Variants in P3H2 observed in about 807,000 individuals in gnomAD.
P3H2 encodes leprecan-like 1.
Under a neutral mutation model 87.0 loss-of-function variants are expected in P3H2, and 80 were observed. The ratio of observed to expected loss-of-function variants is 0.92; its 90% CI spans 0.77 to 1.11. The LOEUF is 1.11. P3H2 is among the 50% of genes least tolerant of loss of function. The pLI is 0.00. For synonymous variants in P3H2, 367 were observed against 359.3 expected, an observed-to-expected ratio of 1.02 and a Z score of -0.24; for missense variants, 1,001 against 923.9, an observed-to-expected ratio of 1.08 and a Z score of -1.08.
intron 1 of P3H2, among the ~76,000 whole-genome samples, chr3:190,099,798 G>A (rs1434793114): frequency 6.6e-6 from 1 of 152,194 alleles, no homozygotes; most frequent in Non-Finnish European, 1.5e-5. Flanking sequence ...TTAACCACTG[G>A]TTTACACCAT....
chr3:190,083,146 A>G (rs781468538), intron 1 of P3H2, among the ~76,000 whole-genome samples: 3 of 152,172 alleles, frequency 2.0e-5, no homozygotes, highest in Non-Finnish European at 4.4e-5. Flanking sequence ...TGAAAACACA[A>G]TCATGAAAAT....
intron 1 of P3H2, among the ~76,000 whole-genome samples, chr3:190,110,465 A>C (rs1445566247): frequency 6.6e-6 from 1 of 152,194 alleles, no homozygotes; most frequent in Non-Finnish European, 1.5e-5. Flanking sequence ...GCCCTTGGTA[A>C]TCCTATAGAA....
chr3:190,034,056 T>C (rs1484591965), intron 1 of P3H2, among the ~76,000 whole-genome samples: 1 of 152,184 alleles, frequency 6.6e-6, no homozygotes, highest in African/African-American at 2.4e-5. Context: ...TCGTAAACAA[T>C]ATTCAGACGG....
At position 189,974,544 on chromosome 3, in the gene P3H2, C is replaced by G; in HGVS notation, c.1452+14G>C. On this transcript the variant is annotated intron_variant, in intron 9 of 14. Transcript: ENST00000319332. ...GCCAGCGCAGTGAGCTCCCCTCCTT[C>G]TCCGGATCCTCACACTGGCCACGCT... 3 of 1,613,140 alleles carry G rather than the reference C, an allele frequency of 1.9e-6. No homozygotes were observed. The highest frequency in any genetic ancestry group is 2.5e-6 in the Non-Finnish European group (3 of 1,180,016).
rs1370847014 is a variant in P3H2 at position 190,079,780 on chromosome 3, A to G, written c.480+40472T>C. Among the ~76,000 whole-genome samples, 5 of 152,156 alleles carry G rather than the reference A, an allele frequency of 3.3e-5. No individual in the cohort carries two copies. In the South Asian group the frequency reaches 1.0e-3, roughly 31 times the overall value. On this transcript the variant is annotated intron_variant, in intron 1 of 14. Transcript: ENST00000319332. ...GTATATTACAGTGGTGAGAACCTTT[A>G]CCTCAAAGCAGATAGAACTGACTTT...
At chr3:190,041,615 A>C (rs1725639285) in intron 1 of P3H2, among the ~76,000 whole-genome samples, 1 of 152,210 alleles carries the variant, frequency 6.6e-6, no homozygotes, top group African/African-American at 2.4e-5. Context: ...TCAAAGACCT[A>C]GGTCAATAGC....
chr3:189,961,349 C>A (rs903525351), intron 14 of P3H2, among the ~76,000 whole-genome samples: 1 of 152,208 alleles, frequency 6.6e-6, no homozygotes, highest in African/African-American at 2.4e-5. Flanking sequence ...GAAAGAAATT[C>A]AAGAGCTGGA....
chr3:190,045,359 C>T (rs1286784578), intron 1 of P3H2, among the ~76,000 whole-genome samples: 1 of 152,132 alleles, frequency 6.6e-6, no homozygotes, highest in Non-Finnish European at 1.5e-5. Flanking sequence ...TTTCCCTTAG[C>T]AAGAATAAAT....
chr3:189,988,871 C>G, intron 4 of P3H2, 36 bp downstream of exon 4: 1 of 1,613,224 alleles, frequency 6.2e-7, no homozygotes, highest in Non-Finnish European at 8.5e-7. Flanking sequence ...GAACCACAAC[C>G]CCCCAAGAAG....
chr3:190,051,939 T>A (rs1725996701), intron 1 of P3H2, among the ~76,000 whole-genome samples: 1 of 152,190 alleles, frequency 6.6e-6, no homozygotes, highest in Non-Finnish European at 1.5e-5. Flanking sequence ...TCTGTTCTAT[T>A]CACACTTGCC....
intron 1 of P3H2, among the ~76,000 whole-genome samples, chr3:190,052,731 A>G (rs1289098634): frequency 6.6e-6 from 1 of 151,946 alleles, no homozygotes; most frequent in Non-Finnish European, 1.5e-5. Context: ...ACACATACAT[A>G]TCTATCTATC....
chr3:190,103,750 C>T lies in P3H2; in HGVS notation c.480+16502G>A, dbSNP rs533936334. ...CTTATGGTTAATTTAGTAGTGGTGA[C>T]AAAGTTGACTTAGAGATTTTTATTC... is the stretch of plus-strand genomic sequence containing the variant. On this transcript the variant is annotated intron_variant, in intron 1 of 14. Transcript: ENST00000319332. Among the ~76,000 whole-genome samples the T allele has an allele frequency of 2.8e-4, 43 of 152,162 alleles. 1 individual carries two copies. In the South Asian group the frequency reaches 7.7e-3, roughly 27 times the overall value.
intron 1 of P3H2, among the ~76,000 whole-genome samples, chr3:190,003,108 A>C (rs543639287): frequency 6.6e-6 from 1 of 152,356 alleles, no homozygotes; most frequent in East Asian, 1.9e-4. Flanking sequence ...TCTGAAGAGT[A>C]ATATTTCCTC....
intron 1 of P3H2, among the ~76,000 whole-genome samples, chr3:190,087,518 T>C (rs1292102189): frequency 1.6e-5 from 2 of 122,242 alleles, no homozygotes; most frequent in South Asian, 2.6e-4. Flanking sequence ...CACTCCAGCC[T>C]GGGCGACAGA....
chr3:190,119,381 G>A (rs900036778), intron 1 of P3H2, among the ~76,000 whole-genome samples: 4 of 152,150 alleles, frequency 2.6e-5, no homozygotes, highest in Non-Finnish European at 5.9e-5. Context: ...CAATTTGAAG[G>A]AAAATTGGGT....
At chr3:190,083,164 C>A (rs375505332) in intron 1 of P3H2, among the ~76,000 whole-genome samples, 4 of 152,198 alleles carry the variant, frequency 2.6e-5, no homozygotes, top group East Asian at 3.9e-4. Flanking sequence ...AATAACTTGC[C>A]TTTTTTGCCT....
chr3:189,980,017 A>C (rs2108913864), intron 8 of P3H2, among the ~76,000 whole-genome samples: 1 of 152,236 alleles, frequency 6.6e-6, no homozygotes, highest in African/African-American at 2.4e-5. Flanking sequence ...GAGAATGGAC[A>C]AGTGACAGCA....
chr3:189,959,018 A>G (rs1722725725), intron 14 of P3H2, among the ~76,000 whole-genome samples: 1 of 151,832 alleles, frequency 6.6e-6, no homozygotes, highest in African/African-American at 2.4e-5. Context: ...CCACCATTGT[A>G]AGCCCTCATC....
intron 13 of P3H2, among the ~76,000 whole-genome samples, chr3:189,970,191 A>AATAAATATATATATATATATATAT (rs1723130695): frequency 1.9e-5 from 1 of 53,980 alleles, no homozygotes; most frequent in Admixed American, 3.3e-4. Flanking sequence ...TATATATGCA[A>AATAAATATATATATATATATATAT]ATATATATAT....
Sources: allele counts gnomAD v4.1 joint callset (sites outside exome capture counted in the v4.1 genomes callset), GRCh38; gene constraint gnomAD v4.1.1; transcripts MANE v1.5; gene names NCBI Gene and HGNC (gene_info 2026-07-23, HGNC 2026-07-21).